FKBP15: variants seen among roughly 807,000 people sequenced by gnomAD.
The protein encoded by FKBP15 is FK506-binding protein 15.
Under a neutral mutation model 158.1 loss-of-function variants are expected in FKBP15, and 106 were observed. The ratio of observed to expected loss-of-function variants is 0.67; its 90% CI spans 0.57 to 0.79. The LOEUF (loss-of-function observed/expected upper bound fraction) is 0.79, where lower values mean the gene tolerates loss of function less well. Ranked by LOEUF, FKBP15 falls within the 30% of genes least tolerant of loss-of-function variation. The pLI, the probability that FKBP15 is intolerant of heterozygous loss-of-function variation, is 0.00. For missense variants in FKBP15, 1,287 were observed against 1,479.1 expected (o/e 0.87, Z 2.13); for synonymous variants, 547 against 548.6 (o/e 1.00, Z 0.04).
rs1564184355 is a variant in FKBP15, at chr9:113,206,711, A to ATT, written c.255-134_255-133insAA. 1.3e-4 allele frequency: 77 copies of ATT among 589,548 alleles called. No homozygotes were observed. The African/African-American group carries it at 1.3e-3, about 10-fold the overall frequency. The allele number at this position is 589,548 out of a possible 1,614,324, so 36.5% of individuals were successfully genotyped here. A position where few individuals can be genotyped will look rare whatever the true frequency, so the allele number is the denominator to read the frequency against. On this transcript the variant is annotated intron_variant, in intron 3 of 27. Transcript: ENST00000238256. ...GCAGGGACACAGGTGAGCGGTTTAA[A>ATT]ATTTTTTTTTTTTTTTTTTTTTTTG...
chr9:113,166,118 C>G lies in FKBP15; in HGVS notation c.3620G>C (p.Gly1207Ala). 1 of 1,613,732 alleles carries G rather than the reference C, an allele frequency of 6.2e-7. No individual in the cohort carries two copies. The highest frequency in any genetic ancestry group is 1.7e-5 in the Admixed American group (1 of 60,002). ...KGRPPPTPLF[G>A]DDDDDDDIDW... Reference sequence around the variant, plus strand: ...AATGTCATCGTCATCATCATCATCTCCAAAAAGGGGCGTTGGGGGCGGGCG... The same window carrying G: ...AATGTCATCGTCATCATCATCATCTGCAAAAAGGGGCGTTGGGGGCGGGCG... Residue 1207 changes from glycine (G) to alanine (A), a missense_variant, in exon 28 of 28, where the codon GGA becomes GCA. Gly to Ala is a moderately conservative substitution (Grantham distance 60, BLOSUM62 0). Coordinates refer to ENST00000238256, the MANE Select transcript of FKBP15 (RefSeq NM_015258.2).
Position 113,169,898 on chromosome 9 carries a change from T to C in FKBP15, c.2811A>G (p.Glu937=). ...QLLNQQEQEK[E]ESSSEEEEEK... ...CTTCTTCTTCTTCACTGCTGCTCTCTTCCTTCTCTTGCTCCTGTTGGTTTA... is the reference window on the plus strand; with the variant it reads ...CTTCTTCTTCTTCACTGCTGCTCTCCTCCTTCTCTTGCTCCTGTTGGTTTA... Residue 937 remains glutamate, a synonymous_variant, in exon 26 of 28, where the codon GAA becomes GAG. Transcript: ENST00000238256. 4 of 1,549,376 alleles carry C rather than the reference T, an allele frequency of 2.6e-6. No individual in the cohort carries two copies. Among genetic ancestry groups the C allele is most frequent in the South Asian group, 2.4e-5 (2 of 84,052 alleles).
intron 6 of FKBP15, among the ~76,000 whole-genome samples, chr9:113,200,220 T>C (rs1390481983): frequency 2.6e-5 from 4 of 152,224 alleles, no homozygotes; most frequent in Admixed American, 6.5e-5. Flanking sequence ...ATAATCTCTA[T>C]GTACCCAAGA....
intron 1 of FKBP15, among the ~76,000 whole-genome samples, chr9:113,212,181 T>C (rs1020409742): frequency 6.6e-6 from 1 of 152,034 alleles, no homozygotes; most frequent in African/African-American, 2.4e-5. Flanking sequence ...TCACTAAAAA[T>C]TTTTTTGTTT....
chr9:113,169,902 T>G lies in FKBP15; in HGVS notation c.2807A>C (p.Lys936Thr), dbSNP rs1046679688. The G allele has an allele frequency of 1.9e-6, 3 of 1,548,944 alleles. No individual in the cohort carries two copies. The highest frequency in any genetic ancestry group is 2.7e-5 in the African/African-American group (2 of 73,028). The change falls in exon 26 of 28, where the codon AAG becomes ACG. Residue 936 changes from lysine (K) to threonine (T), a missense_variant. Transcript: ENST00000238256. ...TTCTTCTTCACTGCTGCTCTCTTCC[T>G]TCTCTTGCTCCTGTTGGTTTAACAG... ...LQLLNQQEQE[K>T]EESSSEEEEE...
intron 1 of FKBP15, among the ~76,000 whole-genome samples, chr9:113,213,582 CAAAA>C (rs34466143): frequency 7.1e-6 from 1 of 140,426 alleles, no homozygotes. Flanking sequence ...TCCCCCGAAC[CAAAA>C]AAAAAAAAAG....
chr9:113,215,173 A>C (rs1350694745), intron 1 of FKBP15, among the ~76,000 whole-genome samples: 1 of 152,218 alleles, frequency 6.6e-6, no homozygotes, highest in Non-Finnish European at 1.5e-5. Flanking sequence ...AATATGGCTA[A>C]CTGGCACAAG....
chr9:113,196,478 G>A (rs1830686828), intron 9 of FKBP15, among the ~76,000 whole-genome samples: 1 of 151,076 alleles, frequency 6.6e-6, no homozygotes, highest in Non-Finnish European at 1.5e-5. Flanking sequence ...CCGCCTCCCA[G>A]GTTCAATCAA....
rs1830838384 is a variant in FKBP15 at position 113,203,787 on chromosome 9, A to G, written c.325-752T>C. ...GGTGATCCGCCCACCTTGGCCTCCC[A>G]AAGTGCTGAGATTACAGGTGTGAGC... On this transcript the variant is annotated intron_variant, in intron 4 of 27. Transcript: ENST00000238256. 2.0e-5 allele frequency among the ~76,000 whole-genome samples: 3 copies of G among 152,092 alleles called. No individual in the cohort carries two copies. The South Asian group carries it at 6.2e-4, about 31-fold the overall frequency.
At chr9:113,173,301 T>G (rs978727706) in intron 23 of FKBP15, among the ~76,000 whole-genome samples, 152 bp downstream of exon 23, 1 of 152,228 alleles carries the variant, frequency 6.6e-6, no homozygotes, top group Non-Finnish European at 1.5e-5. Context: ...CACATAAGTA[T>G]GTGAAAGATA....
At chr9:113,183,699 T>C (rs1830439033) in intron 18 of FKBP15, 52 bp downstream of exon 18, 8 of 1,208,504 alleles carry the variant, frequency 6.6e-6, no homozygotes, top group Admixed American at 1.8e-5. Flanking sequence ...GCTGGGCATA[T>C]ACATAATAAA....
chr9:113,170,383 T>C, intron 25 of FKBP15, 139 bp downstream of exon 25: 1 of 665,264 alleles, frequency 1.5e-6, no homozygotes, highest in Non-Finnish European at 2.7e-6. Context: ...CCTCCCACCT[T>C]GGCCTCCCAA....
Position 113,163,923 on chromosome 9 carries a change from G to T in FKBP15, c.*2155C>A, listed in dbSNP as rs10603. 0.05 allele frequency: 7,688 copies of T among 152,686 alleles called. 238 individuals carry two copies. Among genetic ancestry groups the T allele is most frequent in the South Asian group, 0.13 (644 of 4,826 alleles). 9.5% of individuals were successfully genotyped at this position (152,686 alleles called of 1,614,324 possible). Reference sequence around the variant, plus strand: ...TAAAATACTGATTAAGCCATGGGCAGGTACTGACTGAAGATGCAATCCAAC... The same window carrying T: ...TAAAATACTGATTAAGCCATGGGCATGTACTGACTGAAGATGCAATCCAAC... On this transcript the variant is annotated 3_prime_UTR_variant, in exon 28 of 28. Transcript: ENST00000238256.
chr9:113,171,648 T>C lies in FKBP15; in HGVS notation c.2591A>G (p.Lys864Arg), dbSNP rs796764788. Reference protein sequence around the residue: ...ALTKQNEQHIKELEKNKSQMS... With the variant: ...ALTKQNEQHIRELEKNKSQMS... ...CTGGGACTTGTTCTTCTCTAGTTCC[T>C]TGATGTGCTGTTCATTTTGCTTGGT... is the stretch of plus-strand genomic sequence containing the variant. The change falls in exon 24 of 28, where the codon AAG becomes AGG. Residue 864 changes from lysine (K) to arginine (R), a missense_variant. Coordinates refer to ENST00000238256, the MANE Select transcript of FKBP15 (RefSeq NM_015258.2). 6 of 1,604,146 alleles carry C rather than the reference T, an allele frequency of 3.7e-6. No individual in the cohort carries two copies. The highest frequency in any genetic ancestry group is 4.5e-5 in the East Asian group (2 of 44,686).
chr9:113,181,714 G>A (rs1311459675), intron 19 of FKBP15, among the ~76,000 whole-genome samples: 1 of 152,160 alleles, frequency 6.6e-6, no homozygotes. Flanking sequence ...AATATATTTA[G>A]ATGCCCTTTA....
intron 4 of FKBP15, chr9:113,205,976 T>G (rs988853771): frequency 1.3e-5 from 2 of 152,428 alleles, no homozygotes; most frequent in Admixed American, 6.5e-5. Flanking sequence ...GGCAAATTCA[T>G]AAAAACAAGA....
At chr9:113,207,591 G>A (rs1830916045) in intron 2 of FKBP15, among the ~76,000 whole-genome samples, 1 of 152,046 alleles carries the variant, frequency 6.6e-6, no homozygotes. Flanking sequence ...ACCTGCCTCA[G>A]CCTCCCAAAG....
At position 113,198,706 on chromosome 9, in the gene FKBP15, C is replaced by G. The variant is rs572392054; in HGVS notation, c.717+149G>C. On this transcript the variant is annotated intron_variant, in intron 8 of 27. Coordinates refer to ENST00000238256, the MANE Select transcript of FKBP15 (RefSeq NM_015258.2). The surrounding 1 kb of genome is among the most constrained non-coding windows in gnomAD (Gnocchi z 5.2). ...GGTGGAGGTTGCAATGAGCCAAGAT[C>G]GTGCCATTGCACTCCAGCTTGAACA... 81 of 566,224 alleles carry G rather than the reference C, an allele frequency of 1.4e-4. No homozygotes were observed. The East Asian group carries it at 2.6e-3, about 18-fold the overall frequency. The allele number at this position is 566,224 out of a possible 1,614,324, so 35.1% of individuals were successfully genotyped here.
Position 113,193,599 on chromosome 9 carries a change from A to AC in FKBP15, c.1008-51dup, listed in dbSNP as rs757803198. ...AAGATTGAAAACAAAATCCAGAATC[A>AC]CAAGTCCAAATTATATTGGATAAGC... On this transcript the variant is annotated intron_variant, in intron 10 of 27. Transcript: ENST00000238256. 17 of 1,462,140 alleles carry AC rather than the reference A, an allele frequency of 1.2e-5. 1 individual carries two copies. The Middle Eastern group carries it at 1.7e-3, about 147-fold the overall frequency. 90.6% of individuals were successfully genotyped at this position (1,462,140 alleles called of 1,614,324 possible). A position where few individuals can be genotyped will look rare whatever the true frequency, so the allele number is the denominator to read the frequency against.
Sources: allele counts gnomAD v4.1 joint callset (sites outside exome capture counted in the v4.1 genomes callset), GRCh38; gene constraint gnomAD v4.1.1; non-coding constraint Gnocchi (gnomAD v3.1); transcripts MANE v1.5; gene names NCBI Gene and HGNC (gene_info 2026-07-23, HGNC 2026-07-21).